SELENOO: variants seen among roughly 807,000 people sequenced by gnomAD.
SELENOO encodes the protein protein adenylyltransferase SelO, mitochondrial.
SELENOO carries 74 observed loss-of-function variants against 58.7 expected under a neutral mutation model. That is an observed-to-expected ratio of 1.26 (90% CI 1.04 to 1.53). The LOEUF (loss-of-function observed/expected upper bound fraction) is 1.53. SELENOO is among the 40% of genes most tolerant of loss of function. The probability of loss-of-function intolerance (pLI) is 0.00; values close to 1 mark genes in which losing one functional copy is unlikely to be tolerated. For missense variants in SELENOO, 1,149 were observed against 970.0 expected, an observed-to-expected ratio of 1.18 and a Z score of -2.45; for synonymous variants, 543 against 453.2, an observed-to-expected ratio of 1.20 and a Z score of -2.52.
chr22:50,201,440 C>G lies in SELENOO; in HGVS notation c.404C>G (p.Pro135Arg). Residue 135 changes from proline to arginine, a missense_variant, in exon 1 of 9, where the codon CCC becomes CGC. Coordinates refer to ENST00000380903, the MANE Select transcript of SELENOO (RefSeq NM_031454.2). ...AACGCGCTCCTGCCGGGCGCCGAGCCCGCCGCGCACTGCTACTGCGGCCAC... is the reference window on the plus strand; with the variant it reads ...AACGCGCTCCTGCCGGGCGCCGAGCGCGCCGCGCACTGCTACTGCGGCCAC... ...SGNALLPGAEPAAHCYCGHQF... is the reference protein window; with the variant it reads ...SGNALLPGAERAAHCYCGHQF... 1.4e-6 allele frequency: 2 copies of G among 1,385,648 alleles called. No individual in the cohort carries two copies. The highest frequency in any genetic ancestry group is 1.5e-5 in the South Asian group (1 of 67,510). 85.8% of individuals were successfully genotyped at this position (1,385,648 alleles called of 1,614,324 possible). A position where few individuals can be genotyped will look rare whatever the true frequency, so the allele number is the denominator to read the frequency against.
chr22:50,201,235 C>A lies in SELENOO; in HGVS notation c.199C>A (p.Pro67Thr), dbSNP rs2064297016. 3 of 1,123,772 alleles carry A rather than the reference C, an allele frequency of 2.7e-6. No homozygotes were observed. Among genetic ancestry groups the A allele is most frequent in the South Asian group, 4.3e-5 (1 of 23,396 alleles). 69.6% of individuals were successfully genotyped at this position (1,123,772 alleles called of 1,614,324 possible). Residue 67 changes from proline (P) to threonine (T), a missense_variant, in exon 1 of 9, where the codon CCC becomes ACC. By Grantham distance (38) the Pro-to-Thr change is conservative (BLOSUM62 -1). Transcript: ENST00000380903. ...GCCCGTGGAGGCGCCGCCGCCCGGT[C>A]CCGAGGGCGCCCCGTCCGCGCCGCG... ...ALPVEAPPPG[P>T]EGAPSAPRPV...
Position 50,217,009 on chromosome 22 carries a change from G to T in SELENOO, c.1726G>T (p.Ala576Ser). The change falls in exon 8 of 9, where the codon GCT becomes TCT. Residue 576 changes from alanine to serine, a missense_variant. By Grantham distance (99) the Ala-to-Ser change is moderately conservative. Coordinates refer to ENST00000380903, the MANE Select transcript of SELENOO (RefSeq NM_031454.2). ...LDKDLEGAGD[A>S]AAWQAEHVRV... ...CAAGGACCTGGAAGGCGCTGGGGAC[G>T]CTGCCGCCTGGCAGGCTGAGCACGT... is the stretch of plus-strand genomic sequence containing the variant. 6.2e-7 allele frequency: 1 copy of T among 1,611,354 alleles called. No individual in the cohort carries two copies.
intron 1 of SELENOO, among the ~76,000 whole-genome samples, chr22:50,202,899 G>A (rs1187962251): frequency 1.3e-5 from 2 of 152,158 alleles, no homozygotes; most frequent in Non-Finnish European, 2.9e-5. Context: ...GAAGAGACTT[G>A]AACAGTGAAA....
intron 5 of SELENOO, among the ~76,000 whole-genome samples, chr22:50,212,353 G>A (rs1423808128): frequency 1.3e-5 from 2 of 152,170 alleles, no homozygotes; most frequent in Non-Finnish European, 2.9e-5. Context: ...TCTTGAGTCA[G>A]TTTTGGTAAT....
Position 50,201,254 on chromosome 22 carries a change from CG to C in SELENOO, c.219del (p.Pro74ArgfsTer174). The C allele has an allele frequency of 9.3e-7, 1 of 1,071,510 alleles. No homozygotes were observed. The highest frequency in any genetic ancestry group is 4.3e-5 in the South Asian group (1 of 23,044). 66.4% of individuals were successfully genotyped at this position (1,071,510 alleles called of 1,614,324 possible). The part of the protein sequence containing the change: ...PPPGPEGAPS[A>X]PRPVPGACFT... The stretch of plus-strand genomic sequence containing the variant: ...CCCGGTCCCGAGGGCGCCCCGTCCG[CG>C]CCGCGGCCCGTGCCCGGGGCCTGCT... On this transcript the variant is annotated frameshift_variant, in exon 1 of 9. Coordinates refer to ENST00000380903, the MANE Select transcript of SELENOO (RefSeq NM_031454.2). LOFTEE classifies it high-confidence loss of function.
rs115016508 is a variant in SELENOO at position 50,217,614 on chromosome 22, C to T, written c.*245C>T. 9.0e-4 allele frequency: 967 copies of T among 1,070,392 alleles called. 10 individuals carry two copies. In the African/African-American group the frequency reaches 0.014, roughly 16 times the overall value. The allele number at this position is 1,070,392 out of a possible 1,614,324, so 66.3% of individuals were successfully genotyped here. A position where few individuals can be genotyped will look rare whatever the true frequency, so the allele number is the denominator to read the frequency against. On this transcript the variant is annotated 3_prime_UTR_variant, in exon 9 of 9. Coordinates refer to ENST00000380903, the MANE Select transcript of SELENOO (RefSeq NM_031454.2). ...CTCCTAAATAAACCAGCAACTCCCT[C>T]GAGTCTGTCTCTGTGGTCATTGTTC... is the stretch of plus-strand genomic sequence containing the variant.
In SELENOO at chr22:50,217,497, C is replaced by A. The variant is rs2064431771; in HGVS notation, c.*128C>A. On this transcript the variant is annotated 3_prime_UTR_variant, in exon 9 of 9. Coordinates refer to ENST00000380903, the MANE Select transcript of SELENOO (RefSeq NM_031454.2). ...CCTGGCCCATGCACACCCGTCTTTCCATGATGGCAGAGACATCCAGTCAGG... is the reference window on the plus strand; with the variant it reads ...CCTGGCCCATGCACACCCGTCTTTCAATGATGGCAGAGACATCCAGTCAGG... 1 of 1,225,644 alleles carries A rather than the reference C, an allele frequency of 8.2e-7. No homozygotes were observed. The highest frequency in any genetic ancestry group is 1.1e-6 in the Non-Finnish European group (1 of 880,548). The allele number at this position is 1,225,644 out of a possible 1,614,324, so 75.9% of individuals were successfully genotyped here. A position where few individuals can be genotyped will look rare whatever the true frequency, so the allele number is the denominator to read the frequency against.
At chr22:50,206,741 C>T (rs984257486) in intron 2 of SELENOO, among the ~76,000 whole-genome samples, 2 of 152,230 alleles carry the variant, frequency 1.3e-5, no homozygotes, top group African/African-American at 4.8e-5. Context: ...ATTTGGTACT[C>T]AGTTAGGACA....
Position 50,201,388 on chromosome 22 carries a change from G to A in SELENOO, c.352G>A (p.Ala118Thr). 1 of 1,274,974 alleles carries A rather than the reference G, an allele frequency of 7.8e-7. No individual in the cohort carries two copies. The highest frequency in any genetic ancestry group is 9.9e-7 in the Non-Finnish European group (1 of 1,008,402). The allele number at this position is 1,274,974 out of a possible 1,614,324, so 79.0% of individuals were successfully genotyped here. A position where few individuals can be genotyped will look rare whatever the true frequency, so the allele number is the denominator to read the frequency against. Residue 118 changes from alanine to threonine, a missense_variant, in exon 1 of 9, where the codon GCC becomes ACC. By Grantham distance (58) the Ala-to-Thr change is moderately conservative. Transcript: ENST00000380903. ...CGCGCCGCCCGCGCGCGAGGCCGAG[G>A]CCGAGGCCGCGCTGTTCTTCAGCGG... The part of the protein sequence containing the change: ...LGAPPAREAE[A>T]EAALFFSGNA...
chr22:50,206,252 C>G, intron 1 of SELENOO, 65 bp from the exon 2 acceptor site: 1 of 1,440,610 alleles, frequency 6.9e-7, no homozygotes, highest in Non-Finnish European at 9.7e-7. Context: ...CATGTGCTGC[C>G]CGGAATCCTG....
chr22:50,203,997 GA>G (rs886654251), intron 1 of SELENOO, among the ~76,000 whole-genome samples: 12 of 151,382 alleles, frequency 7.9e-5, no homozygotes, highest in African/African-American at 2.4e-4. Flanking sequence ...TCAGCAACAG[GA>G]AAAAAAAATT....
chr22:50,214,691 G>A (rs1273109939), intron 5 of SELENOO, among the ~76,000 whole-genome samples: 1 of 152,008 alleles, frequency 6.6e-6, no homozygotes, highest in Non-Finnish European at 1.5e-5. Flanking sequence ...CTGGAACCCA[G>A]GAGGCGGAGG....
intron 1 of SELENOO, among the ~76,000 whole-genome samples, chr22:50,204,596 G>A (rs1777382952): frequency 6.6e-6 from 1 of 150,478 alleles, no homozygotes; most frequent in South Asian, 2.1e-4. Context: ...CACTGTCCCT[G>A]GGTGACAGAG....
rs766240409 is a variant in SELENOO, at chr22:50,217,395, G to A, written c.*26G>A. Reference sequence around the variant, plus strand: ...CGGCCTCGGCACGCTCCACACCCCTGGAGTCTCCCGAGGCCCCCATGTGCT... The same window carrying A: ...CGGCCTCGGCACGCTCCACACCCCTAGAGTCTCCCGAGGCCCCCATGTGCT... On this transcript the variant is annotated 3_prime_UTR_variant, in exon 9 of 9. Transcript: ENST00000380903. The A allele has an allele frequency of 9.8e-5, 158 of 1,608,514 alleles. 1 individual carries two copies. The East Asian group carries it at 3.3e-3, about 34-fold the overall frequency.
At position 50,217,243 on chromosome 22, in the gene SELENOO, C is replaced by G. The variant is rs374856550; in HGVS notation, c.1884C>G (p.His628Gln). Residue 628 changes from histidine (H) to glutamine (Q), a missense_variant, in exon 9 of 9, where the codon CAC becomes CAG. Transcript: ENST00000380903. ...TGAAACTACTGGAGACCCCTTACCA[C>G]TGCGAGGCGGGGGCCGCCACAGACG... ...RVLKLLETPYHCEAGAATDAE... is the reference protein window; with the variant it reads ...RVLKLLETPYQCEAGAATDAE... 3.6e-4 allele frequency: 577 copies of G among 1,611,720 alleles called. No homozygotes were observed. The highest frequency in any genetic ancestry group is 4.4e-4 in the Non-Finnish European group (524 of 1,179,526).
rs1444183094 is a variant in SELENOO, at chr22:50,217,365, CG to C, written c.2007del (p.Ter670AsnfsTer?). 6.2e-7 allele frequency: 1 copy of C among 1,612,676 alleles called. No individual in the cohort carries two copies. Among genetic ancestry groups the C allele is most frequent in the East Asian group, 2.2e-5 (1 of 44,876 alleles). On this transcript the variant is annotated frameshift_variant, in exon 9 of 9. Coordinates refer to ENST00000380903, the MANE Select transcript of SELENOO (RefSeq NM_031454.2). LOFTEE classifies it high-confidence loss of function. ...WAAELCVTUS[S>X] ...GCAGAACTGTGCGTGACATGATCTT[CG>C]TAACGGCCTCGGCACGCTCCACACC...
intron 2 of SELENOO, among the ~76,000 whole-genome samples, chr22:50,207,876 G>C (rs1413844962): frequency 1.4e-5 from 2 of 140,524 alleles, no homozygotes; most frequent in Non-Finnish European, 3.1e-5. Flanking sequence ...TGGCAGGCAG[G>C]CCACGCCCCT....
intron 6 of SELENOO, among the ~76,000 whole-genome samples, chr22:50,216,296 G>A (rs1006767524): frequency 1.8e-4 from 28 of 152,242 alleles, no homozygotes; most frequent in Admixed American, 1.2e-3. Flanking sequence ...TGGGAGCACC[G>A]GCCAGCAGGC....
chr22:50,210,261 G>A lies in SELENOO; in HGVS notation c.1020G>A (p.Met340Ile), dbSNP rs1332389871. Residue 340 changes from methionine to isoleucine, a missense_variant, in exon 4 of 9, where the codon ATG becomes ATA. Coordinates refer to ENST00000380903, the MANE Select transcript of SELENOO (RefSeq NM_031454.2). ...FCHGVLNTDNMSILGLTIDYG... is the reference protein window; with the variant it reads ...FCHGVLNTDNISILGLTIDYG... ...ACGGCGTGCTCAACACCGACAACAT[G>A]AGCATCCTGGGGCTCACCATCGACT... is the stretch of plus-strand genomic sequence containing the variant. 1.9e-6 allele frequency: 3 copies of A among 1,613,376 alleles called. No individual in the cohort carries two copies. Among genetic ancestry groups the A allele is most frequent in the Non-Finnish European group, 2.5e-6 (3 of 1,179,976 alleles).
Sources: gnomAD v4.1 joint callset for allele counts (sites outside exome capture counted in the v4.1 genomes callset) on GRCh38, gnomAD v4.1.1 for gene constraint, MANE v1.5 for transcripts, NCBI Gene and HGNC (gene_info 2026-07-23, HGNC 2026-07-21) for gene names.